The following PPP1R12B variants were observed in gnomAD, a reference collection of about 807,000 sequenced individuals.
PPP1R12B encodes myosin phosphatase target subunit 2.
PPP1R12B carries 76 observed loss-of-function variants against 126.1 expected under a neutral mutation model. That is an observed-to-expected ratio of 0.60 (90% confidence interval 0.50 to 0.73). The LOEUF (loss-of-function observed/expected upper bound fraction) is 0.73, where lower values mean the gene tolerates loss of function less well. PPP1R12B is among the 30% of genes least tolerant of loss of function. The pLI is 0.00. For synonymous variants in PPP1R12B, 356 were observed against 434.7 expected, an observed-to-expected ratio of 0.82 and a Z score of 2.25; for missense variants, 1,052 against 1,205.1, an observed-to-expected ratio of 0.87 and a Z score of 1.88.
At chr1:202,569,299 C>T (rs1688363022) in intron 23 of PPP1R12B, 102 bp downstream of exon 23, 1 of 1,155,468 alleles carries the variant, frequency 8.7e-7, no homozygotes, top group Non-Finnish European at 1.3e-6. Context: ...TCACTACAAA[C>T]TCAATATCTG....
At chr1:202,534,019 C>T (rs1417058462) in intron 18 of PPP1R12B, among the ~76,000 whole-genome samples, 8 of 152,114 alleles carry the variant, frequency 5.3e-5, no homozygotes, top group African/African-American at 1.9e-4. Flanking sequence ...AACTTTATTA[C>T]CCCTTCTACA....
chr1:202,370,578 C>T (rs536180551), intron 1 of PPP1R12B, among the ~76,000 whole-genome samples: 2 of 151,808 alleles, frequency 1.3e-5, no homozygotes, highest in Non-Finnish European at 2.9e-5. Context: ...TACTCTGTCA[C>T]TAGGCTGGAG....
rs538351406 is a variant in PPP1R12B at position 202,443,173 on chromosome 1, A to G, written c.1667+601A>G. On this transcript the variant is annotated intron_variant, in intron 12 of 23. Coordinates refer to ENST00000608999, the MANE Select transcript of PPP1R12B (RefSeq NM_002481.4). The stretch of plus-strand genomic sequence containing the variant: ...TCTCATCTGTATTCCCTTTTCTGCA[A>G]TTATTTTCTTTGCCACATACTAGCC... 6.4e-6 allele frequency: 6 copies of G among 942,958 alleles called. No individual in the cohort carries two copies. The East Asian group carries it at 4.7e-4, about 73-fold the overall frequency. The allele number at this position is 942,958 out of a possible 1,614,324, so 58.4% of individuals were successfully genotyped here. A position where few individuals can be genotyped will look rare whatever the true frequency, so the allele number is the denominator to read the frequency against.
intron 13 of PPP1R12B, among the ~76,000 whole-genome samples, chr1:202,484,307 C>T (rs1357126592): frequency 5.9e-5 from 9 of 152,062 alleles, no homozygotes; most frequent in Non-Finnish European, 1.2e-4. Context: ...TTGTGGCTAC[C>T]ATGGGGCTAA....
intron 18 of PPP1R12B, among the ~76,000 whole-genome samples, chr1:202,556,271 T>C (rs1345459454): frequency 6.6e-6 from 1 of 152,200 alleles, no homozygotes; most frequent in Admixed American, 6.5e-5. Context: ...GTTATCACAG[T>C]TAATTCTTAC....
intron 18 of PPP1R12B, among the ~76,000 whole-genome samples, chr1:202,524,394 G>A (rs780387821): frequency 3.3e-5 from 5 of 152,188 alleles, no homozygotes; most frequent in African/African-American, 2.4e-5. Flanking sequence ...CATAGATTTT[G>A]GGGGAACAGG....
intron 4 of PPP1R12B, among the ~76,000 whole-genome samples, chr1:202,426,063 C>T (rs887591023): frequency 6.6e-5 from 10 of 152,078 alleles, no homozygotes; most frequent in African/African-American, 1.2e-4. Context: ...TCATTTGTTC[C>T]GTTTTGACTT....
intron 1 of PPP1R12B, among the ~76,000 whole-genome samples, chr1:202,400,891 CAG>C (rs1558179999): frequency 6.6e-6 from 1 of 152,230 alleles, no homozygotes; most frequent in African/African-American, 2.4e-5. Flanking sequence ...TGCACTAAAT[CAG>C]GGGTCAGCAA....
chr1:202,399,540 A>G (rs1297930562), intron 1 of PPP1R12B, among the ~76,000 whole-genome samples: 2 of 149,010 alleles, frequency 1.3e-5, no homozygotes, highest in African/African-American at 5.0e-5. Flanking sequence ...TCTGTCGCCC[A>G]GGCTGGAGTG....
At chr1:202,486,392 A>G (rs1193604049) in intron 13 of PPP1R12B, among the ~76,000 whole-genome samples, 1 of 152,188 alleles carries the variant, frequency 6.6e-6, no homozygotes, top group Non-Finnish European at 1.5e-5. Flanking sequence ...ATTGTTAACA[A>G]CTTGATGCCA....
chr1:202,497,993 C>T (rs1162289346), intron 18 of PPP1R12B, among the ~76,000 whole-genome samples: 1 of 152,128 alleles, frequency 6.6e-6, no homozygotes, highest in Non-Finnish European at 1.5e-5. Context: ...GGAACATTAT[C>T]CATACAGAAT....
intron 13 of PPP1R12B, among the ~76,000 whole-genome samples, chr1:202,469,305 AGGCAGTTGTT>A (rs894600476): frequency 8.5e-5 from 13 of 152,176 alleles, no homozygotes; most frequent in African/African-American, 3.1e-4. Flanking sequence ...TAATGAGCTA[AGGCAGTTGTT>A]GGTTTACATA....
intron 1 of PPP1R12B, among the ~76,000 whole-genome samples, chr1:202,369,177 A>G (rs1203380531): frequency 1.3e-5 from 2 of 152,230 alleles, no homozygotes; most frequent in African/African-American, 2.4e-5. Context: ...CAGTGAAGAC[A>G]TTTCCCCAGT....
chr1:202,445,618 T>A (rs1672132882), intron 12 of PPP1R12B, among the ~76,000 whole-genome samples: 1 of 152,236 alleles, frequency 6.6e-6, no homozygotes, highest in African/African-American at 2.4e-5. Context: ...TTTAGTCTTT[T>A]AAATGACATG....
rs1382777166 is a variant in PPP1R12B, at chr1:202,590,246, G to A, written c.*9686G>A. On this transcript the variant is annotated 3_prime_UTR_variant, in exon 24 of 24. Coordinates refer to ENST00000608999, the MANE Select transcript of PPP1R12B (RefSeq NM_002481.4). ...TCCCTAAGCCCAGCTCTACTGGAAGGGAATTCAAGAATATAGTCCCCACCA... is the reference window on the plus strand; with the variant it reads ...TCCCTAAGCCCAGCTCTACTGGAAGAGAATTCAAGAATATAGTCCCCACCA... The A allele has an allele frequency of 1.3e-5, 2 of 152,068 alleles. No homozygotes were observed. The highest frequency in any genetic ancestry group is 4.8e-5 in the African/African-American group (2 of 41,378). The allele number at this position is 152,068 out of a possible 1,614,324, so 9.4% of individuals were successfully genotyped here. A position where few individuals can be genotyped will look rare whatever the true frequency, so the allele number is the denominator to read the frequency against.
chr1:202,544,575 G>A (rs1685462154), intron 18 of PPP1R12B, among the ~76,000 whole-genome samples: 1 of 152,094 alleles, frequency 6.6e-6, no homozygotes, highest in South Asian at 2.1e-4. Context: ...TGAACCCTGG[G>A]AATCTTTTAA....
chr1:202,555,940 A>G lies in PPP1R12B; in HGVS notation c.2491-2937A>G, dbSNP rs373721851. Among the ~76,000 whole-genome samples, 90 of 149,318 alleles carry G rather than the reference A, an allele frequency of 6.0e-4. No homozygotes were observed. The South Asian group carries it at 0.011, about 18-fold the overall frequency. On this transcript the variant is annotated intron_variant, in intron 18 of 23. Coordinates refer to ENST00000608999, the MANE Select transcript of PPP1R12B (RefSeq NM_002481.4). ...TCCCAGGCTGGAGTGCAGTGACGCT[A>G]TCTCAGCTCACTGCAACCTCTACCT... is the stretch of plus-strand genomic sequence containing the variant.
rs75865445 is a variant in PPP1R12B, at chr1:202,367,962, T to G, written c.291+18820T>G. On this transcript the variant is annotated intron_variant, in intron 1 of 23. Transcript: ENST00000608999. ...AGTGAGTGCAGTCTCAGGAGATCTG[T>G]TTTTTTTTTGTTTTTTTGTTTTTAG... Among the ~76,000 whole-genome samples, 1,447 of 147,536 alleles carry G rather than the reference T, an allele frequency of 9.8e-3. 10 individuals are homozygous for G. The highest frequency in any genetic ancestry group is 0.018 in the South Asian group (85 of 4,616).
chr1:202,569,517 G>A (rs1688390090), intron 23 of PPP1R12B, among the ~76,000 whole-genome samples: 1 of 152,160 alleles, frequency 6.6e-6, no homozygotes, highest in South Asian at 2.1e-4. Context: ...CCTCTAGAGG[G>A]TAAATGAGAA....
Sources: allele counts gnomAD v4.1 joint callset (sites outside exome capture counted in the v4.1 genomes callset), GRCh38; gene constraint gnomAD v4.1.1; transcripts MANE v1.5; gene names NCBI Gene and HGNC (gene_info 2026-07-23, HGNC 2026-07-21).